The following TRIM2 variants were observed in gnomAD, a reference collection of about 807,000 sequenced individuals.
TRIM2 encodes tripartite motif-containing protein 2.
Under a neutral mutation model 75.2 loss-of-function variants are expected in TRIM2, and 20 were observed. That is an observed-to-expected ratio of 0.27 (90% CI 0.19 to 0.39). The LOEUF (loss-of-function observed/expected upper bound fraction) is 0.39. TRIM2 is among the 10% of genes least tolerant of loss of function. The pLI, the probability that TRIM2 is intolerant of heterozygous loss-of-function variation, is 1.00. For missense variants in TRIM2, 660 were observed against 990.8 expected (o/e 0.67, Z 4.48); for synonymous variants, 373 against 388.3 (o/e 0.96, Z 0.46).
intron 3 of TRIM2, among the ~76,000 whole-genome samples, chr4:153,282,856 A>G (rs1759669013): frequency 6.6e-6 from 1 of 151,750 alleles, no homozygotes; most frequent in Non-Finnish European, 1.5e-5. Context: ...TGGCATGATC[A>G]TGGCTCATGG....
At position 153,324,122 on chromosome 4, in the gene TRIM2, A is replaced by C. The variant is rs771991780; in HGVS notation, c.1996A>C (p.Thr666Pro). The C allele has an allele frequency of 6.2e-7, 1 of 1,612,430 alleles. No homozygotes were observed. The highest frequency in any genetic ancestry group is 8.5e-7 in the Non-Finnish European group (1 of 1,179,532). Residue 666 changes from threonine to proline, a missense_variant, in exon 10 of 12, where the codon ACA becomes CCA. Physicochemically the swap from Thr to Pro is conservative, Grantham distance 38. Coordinates refer to ENST00000338700, the MANE Select transcript of TRIM2 (RefSeq NM_015271.5). ...AAATAGCAATAATGAGATTATTATT[A>C]CAGATTTCCATAATCATTCTGTCAA... Reference protein sequence around the residue: ...AVNSNNEIIITDFHNHSVKVF... With the variant: ...AVNSNNEIIIPDFHNHSVKVF...
At chr4:153,213,090 G>A (rs570122443) in intron 1 of TRIM2, among the ~76,000 whole-genome samples, 81 of 152,312 alleles carry the variant, frequency 5.3e-4, no homozygotes, top group Middle Eastern at 3.4e-3. Flanking sequence ...AGCAATGACT[G>A]TGTGCCAGGA....
intron 1 of TRIM2, among the ~76,000 whole-genome samples, chr4:153,204,946 T>C (rs929375556): frequency 6.6e-6 from 1 of 152,192 alleles, no homozygotes; most frequent in Admixed American, 6.5e-5. Flanking sequence ...TGCTAGCCGA[T>C]GTAACTCAGT....
chr4:153,164,927 T>A (rs1182502610), intron 1 of TRIM2, among the ~76,000 whole-genome samples: 1 of 152,196 alleles, frequency 6.6e-6, no homozygotes, highest in Non-Finnish European at 1.5e-5. Flanking sequence ...TTTGTTTTGT[T>A]TTATCCAGAG....
chr4:153,165,566 C>G (rs775543055), intron 1 of TRIM2, among the ~76,000 whole-genome samples: 1 of 152,178 alleles, frequency 6.6e-6, no homozygotes, highest in Non-Finnish European at 1.5e-5. Context: ...CTCCCGGGCT[C>G]AAGCCATCCT....
intron 1 of TRIM2, among the ~76,000 whole-genome samples, chr4:153,195,174 C>T (rs564114233): frequency 6.6e-6 from 1 of 152,098 alleles, no homozygotes; most frequent in East Asian, 1.9e-4. Context: ...GAGGGAAGGC[C>T]ATGTGAAGAC....
chr4:153,328,777 A>T, intron 11 of TRIM2, 107 bp downstream of exon 11: 1 of 1,278,380 alleles, frequency 7.8e-7, no homozygotes. Context: ...ATTGGTTAGG[A>T]CATAGAACCA....
chr4:153,294,518 GA>G (rs1459824800), intron 5 of TRIM2, 33 bp downstream of exon 5: 6 of 1,602,196 alleles, frequency 3.7e-6, no homozygotes, highest in Non-Finnish European at 5.1e-6. Flanking sequence ...TGTCCTGGAA[GA>G]GACATGATAT....
intron 11 of TRIM2, among the ~76,000 whole-genome samples, chr4:153,334,192 G>T (rs946312460): frequency 2.0e-5 from 3 of 151,980 alleles, no homozygotes; most frequent in Non-Finnish European, 4.4e-5. Context: ...CCCAATATTT[G>T]TTGTGACCAC....
At position 153,274,594 on chromosome 4, in the gene TRIM2, C is replaced by A. The variant is rs17029834; in HGVS notation, c.216-1299C>A. Among the ~76,000 whole-genome samples, 1,412 of 152,264 alleles carry A rather than the reference C, an allele frequency of 9.3e-3. 18 individuals carry two copies. The highest frequency in any genetic ancestry group is 0.03 in the African/African-American group (1,246 of 41,536). On this transcript the variant is annotated intron_variant, in intron 2 of 11. Coordinates refer to ENST00000338700, the MANE Select transcript of TRIM2 (RefSeq NM_015271.5). ...AATTTTGGGAGCCTGATGCTTGTAG[C>A]CACACCTGTGATATGAATATAATAT...
intron 1 of TRIM2, among the ~76,000 whole-genome samples, chr4:153,178,879 C>G (rs765631259): frequency 6.6e-6 from 1 of 152,192 alleles, no homozygotes; most frequent in Non-Finnish European, 1.5e-5. Context: ...ATTTACTTCT[C>G]TTCAAGTAAA....
intron 1 of TRIM2, among the ~76,000 whole-genome samples, chr4:153,256,597 G>A (rs1328586988): frequency 1.3e-5 from 2 of 152,060 alleles, no homozygotes; most frequent in East Asian, 3.8e-4. Flanking sequence ...CTATCATATG[G>A]CTACTTGCTG....
rs1469249782 is a variant in TRIM2, at chr4:153,257,515, C to T, written c.31-12820C>T. 4 of 1,279,770 alleles carry T rather than the reference C, an allele frequency of 3.1e-6. No homozygotes were observed. In the African/African-American group the frequency reaches 6.1e-5, roughly 20 times the overall value. 79.3% of individuals were successfully genotyped at this position (1,279,770 alleles called of 1,614,324 possible). A position where few individuals can be genotyped will look rare whatever the true frequency, so the allele number is the denominator to read the frequency against. ...ACTTCCAGCCTTCTCTCATTTCCTC[C>T]ATTTTTCTCTTCCTCTGTTCTGTGC... is the stretch of plus-strand genomic sequence containing the variant. On this transcript the variant is annotated intron_variant, in intron 1 of 11. Transcript: ENST00000338700.
chr4:153,336,480 C>A lies in TRIM2; in HGVS notation c.*1514C>A. 1 of 985,590 alleles carries A rather than the reference C, an allele frequency of 1.0e-6. No homozygotes were observed. The highest frequency in any genetic ancestry group is 1.2e-6 in the Non-Finnish European group (1 of 829,884). The allele number at this position is 985,590 out of a possible 1,614,324, so 61.1% of individuals were successfully genotyped here. A position where few individuals can be genotyped will look rare whatever the true frequency, so the allele number is the denominator to read the frequency against. ...AAATGTTAAGAACAATTTAGTCAAT[C>A]GTTCATCTGTCATTGGTACTGTAAA... On this transcript the variant is annotated 3_prime_UTR_variant, in exon 12 of 12. Coordinates refer to ENST00000338700, the MANE Select transcript of TRIM2 (RefSeq NM_015271.5).
intron 1 of TRIM2, among the ~76,000 whole-genome samples, chr4:153,250,656 G>A (rs1012384664): frequency 1.3e-5 from 2 of 152,170 alleles, no homozygotes; most frequent in Non-Finnish European, 2.9e-5. Flanking sequence ...TTAATAGAAG[G>A]ATAGAGCCTG....
chr4:153,211,499 T>C (rs1439346535), intron 1 of TRIM2, among the ~76,000 whole-genome samples: 1 of 150,868 alleles, frequency 6.6e-6, no homozygotes, highest in East Asian at 1.9e-4. Flanking sequence ...TTTTTTTTTT[T>C]TTTTTTGAGA....
intron 8 of TRIM2, among the ~76,000 whole-genome samples, chr4:153,319,155 T>C (rs1768357259): frequency 6.6e-6 from 1 of 151,976 alleles, no homozygotes; most frequent in Non-Finnish European, 1.5e-5. Flanking sequence ...CTCTTTGTAT[T>C]TATTCCTAGT....
intron 2 of TRIM2, among the ~76,000 whole-genome samples, chr4:153,273,442 AT>A (rs11459214): frequency 0.027 from 2,100 of 77,664 alleles, 20 homozygotes; most frequent in African/African-American, 0.038. Flanking sequence ...CGCCCGGCTA[AT>A]TTTTTTTTTT....
At chr4:153,161,201 T>G (rs986353649) in intron 1 of TRIM2, among the ~76,000 whole-genome samples, 1 of 152,248 alleles carries the variant, frequency 6.6e-6, no homozygotes, top group African/African-American at 2.4e-5. Flanking sequence ...AGATGGAGAC[T>G]GTATTTATAC....
Sources: allele counts gnomAD v4.1 joint callset (sites outside exome capture counted in the v4.1 genomes callset), GRCh38; gene constraint gnomAD v4.1.1; transcripts MANE v1.5; gene names NCBI Gene and HGNC (gene_info 2026-07-23, HGNC 2026-07-21).